MTR: variants seen among roughly 807,000 people sequenced by gnomAD.
The protein encoded by MTR is 5-methyltetrahydrofolate-homocysteine methyltransferase.
A neutral mutation model predicts 154.8 loss-of-function variants in MTR; 84 were observed. That is an observed-to-expected ratio of 0.54 (90% CI 0.45 to 0.65). The LOEUF (loss-of-function observed/expected upper bound fraction) is 0.65. Ranked by LOEUF, MTR falls within the 30% of genes least tolerant of loss-of-function variation. The probability of loss-of-function intolerance (pLI) is 0.00; values close to 1 mark genes in which losing one functional copy is unlikely to be tolerated. For synonymous variants in MTR, 554 were observed against 553.9 expected (o/e 1.00, Z 0.00); for missense variants, 1,275 against 1,570.2 (o/e 0.81, Z 3.18).
intron 22 of MTR, among the ~76,000 whole-genome samples, chr1:236,870,430 G>A (rs903313743): frequency 6.6e-6 from 1 of 152,198 alleles, no homozygotes; most frequent in Non-Finnish European, 1.5e-5. Context: ...CTGTCTAGAT[G>A]TGTGTTTCTC....
intron 22 of MTR, among the ~76,000 whole-genome samples, chr1:236,867,493 GC>G (rs1664883716): frequency 6.6e-6 from 1 of 152,200 alleles, no homozygotes; most frequent in Non-Finnish European, 1.5e-5. Context: ...TTTCATGCCT[GC>G]TAACACAACA....
At chr1:236,842,186 C>T (rs984641681) in intron 15 of MTR, among the ~76,000 whole-genome samples, 12 of 152,144 alleles carry the variant, frequency 7.9e-5, no homozygotes, top group African/African-American at 1.7e-4. Flanking sequence ...CCACCGCGCC[C>T]GGCTGTGCTA....
chr1:236,821,637 CA>C (rs758678585), intron 8 of MTR, among the ~76,000 whole-genome samples: 2 of 152,070 alleles, frequency 1.3e-5, no homozygotes, highest in Non-Finnish European at 2.9e-5. Flanking sequence ...AACTCATTGC[CA>C]AACCCACGAT....
chr1:236,795,694 A>T lies in MTR; in HGVS notation c.-10A>T, dbSNP rs751827394. ...GCCGCGCCCTCTGCGCAAGGAGGAG[A>T]CTCGACAACATGTCACCCGCGCTCC... is the stretch of plus-strand genomic sequence containing the variant. On this transcript the variant is annotated 5_prime_UTR_variant, in exon 1 of 33. Coordinates refer to ENST00000366577, the MANE Select transcript of MTR (RefSeq NM_000254.3). 6.2e-7 allele frequency: 1 copy of T among 1,613,940 alleles called. No individual in the cohort carries two copies. Among genetic ancestry groups the T allele is most frequent in the Non-Finnish European group, 8.5e-7 (1 of 1,179,982 alleles).
At chr1:236,881,323 G>A (rs369139635) in intron 25 of MTR, among the ~76,000 whole-genome samples, 6 of 152,200 alleles carry the variant, frequency 3.9e-5, no homozygotes, top group South Asian at 4.1e-4. Flanking sequence ...ATTCACCCAC[G>A]TCCTGCTTTT....
intron 1 of MTR, among the ~76,000 whole-genome samples, chr1:236,798,507 A>G (rs1319641266): frequency 1.3e-5 from 2 of 152,206 alleles, no homozygotes; most frequent in African/African-American, 2.4e-5. Context: ...ACCCCACAAA[A>G]TATATTGGCT....
intron 28 of MTR, among the ~76,000 whole-genome samples, chr1:236,890,422 C>T (rs3768155): frequency 0.35 from 53,630 of 151,928 alleles, 10,256 homozygotes; most frequent in East Asian, 0.44. Context: ...AGGATTTGGG[C>T]CACACTTCAC....
At chr1:236,890,838 G>A (rs964779076) in intron 28 of MTR, among the ~76,000 whole-genome samples, 2 of 152,200 alleles carry the variant, frequency 1.3e-5, no homozygotes, top group Non-Finnish European at 2.9e-5. Flanking sequence ...CATCCTCTCT[G>A]ACAGAATGCT....
At chr1:236,848,657 G>A (rs1258041059) in intron 15 of MTR, among the ~76,000 whole-genome samples, 1 of 152,076 alleles carries the variant, frequency 6.6e-6, no homozygotes, top group African/African-American at 2.4e-5. Context: ...TAAAGCCTGG[G>A]TGCAGTGAGG....
chr1:236,888,248 A>G (rs995168558), intron 27 of MTR, among the ~76,000 whole-genome samples: 6 of 152,188 alleles, frequency 3.9e-5, no homozygotes, highest in Admixed American at 3.3e-4. Context: ...GGATACGGCA[A>G]TGGAGCCAAC....
Position 236,898,363 on chromosome 1 carries a change from G to A in MTR, c.*719G>A, listed in dbSNP as rs1666773749. 6.7e-6 allele frequency: 1 copy of A among 150,204 alleles called. No individual in the cohort carries two copies. Among genetic ancestry groups the A allele is most frequent in the African/African-American group, 2.5e-5 (1 of 40,614 alleles). The allele number at this position is 150,204 out of a possible 1,614,324, so 9.3% of individuals were successfully genotyped here. On this transcript the variant is annotated 3_prime_UTR_variant, in exon 33 of 33. Transcript: ENST00000366577. ...AAGGAAATGAGGAGAGAAAGTTACT[G>A]TTAAGGGTGGTTAACATTTTTTTTG...
chr1:236,818,283 T>C (rs1354467799), intron 8 of MTR, among the ~76,000 whole-genome samples: 22 of 152,216 alleles, frequency 1.4e-4, no homozygotes, highest in Admixed American at 1.4e-3. Context: ...CTAATAGGTG[T>C]ACCACACCAG....
chr1:236,867,674 G>A (rs2103335483), intron 22 of MTR, among the ~76,000 whole-genome samples: 1 of 152,282 alleles, frequency 6.6e-6, no homozygotes, highest in East Asian at 1.9e-4. Flanking sequence ...ATTCATGGGA[G>A]GAGGTCAAAA....
At chr1:236,889,042 C>T in intron 27 of MTR, 139 bp from the exon 28 acceptor site, 8 of 1,029,150 alleles carry the variant, frequency 7.8e-6, no homozygotes, top group Middle Eastern at 2.9e-4. Flanking sequence ...TAAAGTTCCC[C>T]TCTTTGTAAA....
At chr1:236,817,636 A>C (rs1214931746) in intron 8 of MTR, among the ~76,000 whole-genome samples, 8 of 152,198 alleles carry the variant, frequency 5.3e-5, no homozygotes, top group Admixed American at 5.2e-4. Flanking sequence ...AGGTGAAGTA[A>C]ATAGAGGATC....
At chr1:236,877,064 A>T (rs1665474357) in intron 24 of MTR, among the ~76,000 whole-genome samples, 1 of 152,204 alleles carries the variant, frequency 6.6e-6, no homozygotes, top group African/African-American at 2.4e-5. Flanking sequence ...AGTAGGTAGC[A>T]CTGCTTCCCG....
chr1:236,874,979 A>G (rs1665351385), intron 24 of MTR, 133 bp downstream of exon 24: 6 of 1,063,602 alleles, frequency 5.6e-6, no homozygotes, highest in South Asian at 1.4e-5. Flanking sequence ...TATAAACACA[A>G]ACATTTTCTG....
intron 19 of MTR, among the ~76,000 whole-genome samples, chr1:236,860,862 A>G (rs1664495509): frequency 6.6e-6 from 1 of 152,182 alleles, no homozygotes; most frequent in Non-Finnish European, 1.5e-5. Flanking sequence ...CTTTGTTTGT[A>G]TCAATAAAGC....
At position 236,897,692 on chromosome 1, in the gene MTR, A is replaced by G. The variant is rs1666744082; in HGVS notation, c.*48A>G. The G allele has an allele frequency of 1.3e-6, 2 of 1,498,150 alleles. No homozygotes were observed. Among genetic ancestry groups the G allele is most frequent in the Non-Finnish European group, 1.9e-6 (2 of 1,077,454 alleles). 92.8% of individuals were successfully genotyped at this position (1,498,150 alleles called of 1,614,324 possible). On this transcript the variant is annotated 3_prime_UTR_variant, in exon 33 of 33. Transcript: ENST00000366577. The stretch of plus-strand genomic sequence containing the variant: ...TTTATTCTTGATGATCCTCAAGGAA[A>G]TACAACCTAGGGTGCCTTAAAAATA...
Sources: allele counts gnomAD v4.1 joint callset (sites outside exome capture counted in the v4.1 genomes callset), GRCh38; gene constraint gnomAD v4.1.1; transcripts MANE v1.5; gene names NCBI Gene and HGNC (gene_info 2026-07-23, HGNC 2026-07-21).